ALOXE3: variants seen among roughly 807,000 people sequenced by gnomAD.
ALOXE3 encodes arachidonate epidermal lipoxygenase 3.
In ALOXE3, 78 loss-of-function variants were observed where a neutral mutation model predicts 87.5. The observed-to-expected ratio is 0.89, with a 90% CI of 0.74 to 1.08. ALOXE3 has a LOEUF of 1.08. Ranked by LOEUF, ALOXE3 falls within the 50% of genes least tolerant of loss-of-function variation. ALOXE3 has a pLI of 0.00. For missense variants in ALOXE3, 946 were observed against 912.4 expected (o/e 1.04, Z -0.47); for synonymous variants, 363 against 370.8 (o/e 0.98, Z 0.24).
At chr17:8,116,722 C>T in intron 3 of ALOXE3, 54 bp downstream of exon 3, 1 of 1,590,842 alleles carries the variant, frequency 6.3e-7, no homozygotes. Context: ...GACCCCACTC[C>T]TAATCCCAAA....
rs1354265408 is a variant in ALOXE3 at position 8,116,886 on chromosome 17, G to A, written c.242C>T (p.Ser81Phe). 6.2e-7 allele frequency: 1 copy of A among 1,614,254 alleles called. No homozygotes were observed. The highest frequency in any genetic ancestry group is 1.1e-5 in the South Asian group (1 of 91,084). ...GACACAGATGCGGCTACAGTACCAAGAGTCCTTGCGGAAGAAAGCGTAGCG... is the reference window on the plus strand; with the variant it reads ...GACACAGATGCGGCTACAGTACCAAAAGTCCTTGCGGAAGAAAGCGTAGCG... Reference protein sequence around the residue: ...KERYAFFRKDSWYCSRICVTE... With the variant: ...KERYAFFRKDFWYCSRICVTE... Residue 81 changes from serine (S) to phenylalanine (F), a missense_variant, in exon 3 of 16, where the codon TCT becomes TTT. By Grantham distance (155) the Ser-to-Phe change is radical. Transcript: ENST00000448843.
chr17:8,110,553 G>A (rs755233210), intron 8 of ALOXE3, 25 bp from the exon 9 acceptor site: 3 of 1,613,362 alleles, frequency 1.9e-6, no homozygotes. Flanking sequence ...CAGAGGCTGA[G>A]TGTCCCTCCC....
At chr17:8,114,680 C>T (rs1980427357) in intron 5 of ALOXE3, 71 bp from the exon 6 acceptor site, 1 of 1,602,730 alleles carries the variant, frequency 6.2e-7, no homozygotes, top group Admixed American at 1.7e-5. Flanking sequence ...CAACTCCTTC[C>T]CTCTTTCCTG....
chr17:8,110,454 CT>C lies in ALOXE3; in HGVS notation c.1031del (p.Gln344ArgfsTer104). 1 of 1,613,470 alleles carries C rather than the reference CT, an allele frequency of 6.2e-7. No homozygotes were observed. ...APTHCLNGRQ[Q>X]YVAAPLCLLW... Reference sequence around the variant, plus strand: ...GCAGGCACAGTGGGGCGGCCACGTACTGCTGGCGGCCGTTTAGGCAGTGGGT... The same window carrying C: ...GCAGGCACAGTGGGGCGGCCACGTACGCTGGCGGCCGTTTAGGCAGTGGGT... On this transcript the variant is annotated frameshift_variant, in exon 9 of 16. Coordinates refer to ENST00000448843, the MANE Select transcript of ALOXE3 (RefSeq NM_021628.3). LOFTEE classifies it high-confidence loss of function.
Position 8,115,600 on chromosome 17 carries a change from C to T in ALOXE3, c.434+7G>A, listed in dbSNP as rs778590299. 1.9e-6 allele frequency: 3 copies of T among 1,611,468 alleles called. No individual in the cohort carries two copies. The highest frequency in any genetic ancestry group is 2.5e-6 in the Non-Finnish European group (3 of 1,177,562). On this transcript the variant is annotated splice_region_variant and intron_variant, in intron 4 of 15. Transcript: ENST00000448843. Reference sequence around the variant, plus strand: ...TGGGGAAAGAAGTCAAATTAGGCCACCCTCACCGGTAGCATTCTTGTCGGG... The same window carrying T: ...TGGGGAAAGAAGTCAAATTAGGCCATCCTCACCGGTAGCATTCTTGTCGGG...
rs138223952 is a variant in ALOXE3, at chr17:8,096,420, A to G, written c.*207T>C. The G allele has an allele frequency of 1.1e-3, 648 of 592,754 alleles. 2 individuals are homozygous for G. Among genetic ancestry groups the G allele is most frequent in the African/African-American group, 0.011 (579 of 54,024 alleles). 36.7% of individuals were successfully genotyped at this position (592,754 alleles called of 1,614,324 possible). A position where few individuals can be genotyped will look rare whatever the true frequency, so the allele number is the denominator to read the frequency against. Reference sequence around the variant, plus strand: ...ATTGGACTTTGGTCAGCGGCTTTTAACCTGGACGCTGCTGTGCTGGTCTCT... The same window carrying G: ...ATTGGACTTTGGTCAGCGGCTTTTAGCCTGGACGCTGCTGTGCTGGTCTCT... On this transcript the variant is annotated 3_prime_UTR_variant, in exon 16 of 16. Transcript: ENST00000448843.
In ALOXE3 at chr17:8,111,382, T is replaced by C; in HGVS notation, c.934A>G (p.Thr312Ala). ...DMVAPLLGQD[T>A]CLQTELERGN... ...ACCTCTAGCTCTGTCTGCAGGCATG[T>C]GTCCTGTCCCAGCAAGGGGGCCACC... Residue 312 changes from threonine to alanine, a missense_variant, in exon 8 of 16, where the codon ACA becomes GCA. Coordinates refer to ENST00000448843, the MANE Select transcript of ALOXE3 (RefSeq NM_021628.3). 1.2e-6 allele frequency: 2 copies of C among 1,613,558 alleles called. No homozygotes were observed. The highest frequency in any genetic ancestry group is 1.7e-6 in the Non-Finnish European group (2 of 1,180,030).
rs1440118645 is a variant in ALOXE3, at chr17:8,096,927, C to G, written c.1957-121G>C. On this transcript the variant is annotated intron_variant, in intron 15 of 15. Transcript: ENST00000448843. ...TCTAGTAGCACAACCCAGTTGCAGC[C>G]ATTGTAAACACTTGCCCCAAACTGC... 5 of 1,164,300 alleles carry G rather than the reference C, an allele frequency of 4.3e-6. No individual in the cohort carries two copies. The African/African-American group carries it at 6.1e-5, about 14-fold the overall frequency. 72.1% of individuals were successfully genotyped at this position (1,164,300 alleles called of 1,614,324 possible). A position where few individuals can be genotyped will look rare whatever the true frequency, so the allele number is the denominator to read the frequency against.
At position 8,108,354 on chromosome 17, in the gene ALOXE3, A is replaced by AT. The variant is rs544489468; in HGVS notation, c.1684+113dup. On this transcript the variant is annotated intron_variant, in intron 13 of 15. Coordinates refer to ENST00000448843, the MANE Select transcript of ALOXE3 (RefSeq NM_021628.3). ...CTTTCCATATCTGCTAGTTGGGGAT[A>AT]TTAATAGTATCTACTTCAAAGGCTG... The AT allele has an allele frequency of 2.6e-3, 3,810 of 1,456,074 alleles. 8 individuals are homozygous for AT. The highest frequency in any genetic ancestry group is 3.3e-3 in the Non-Finnish European group (3,535 of 1,080,658). 90.2% of individuals were successfully genotyped at this position (1,456,074 alleles called of 1,614,324 possible). A position where few individuals can be genotyped will look rare whatever the true frequency, so the allele number is the denominator to read the frequency against.
intron 2 of ALOXE3, among the ~76,000 whole-genome samples, chr17:8,117,308 T>C (rs1980687147): frequency 6.6e-6 from 1 of 152,120 alleles, no homozygotes; most frequent in Non-Finnish European, 1.5e-5. Context: ...TAATCCCAGC[T>C]ACTTGGGAGG....
chr17:8,117,687 C>T (rs1032486236), intron 2 of ALOXE3, among the ~76,000 whole-genome samples, 157 bp downstream of exon 2: 25 of 152,172 alleles, frequency 1.6e-4, no homozygotes, highest in African/African-American at 6.0e-4. Context: ...TGGAGTTCAT[C>T]ATCTCCAGGA....
intron 15 of ALOXE3, among the ~76,000 whole-genome samples, chr17:8,099,058 T>C (rs1978757209): frequency 7.1e-6 from 1 of 141,348 alleles, no homozygotes; most frequent in South Asian, 2.3e-4. Context: ...AAGGTCTCAC[T>C]ATATTACTCA....
chr17:8,102,030 T>C (rs1277764214), intron 15 of ALOXE3, among the ~76,000 whole-genome samples: 1 of 152,018 alleles, frequency 6.6e-6, no homozygotes, highest in African/African-American at 2.4e-5. Context: ...GACGGCTGGG[T>C]GGAAACAAAG....
intron 8 of ALOXE3, 135 bp from the exon 9 acceptor site, chr17:8,110,663 T>A: frequency 1.5e-6 from 2 of 1,293,120 alleles, no homozygotes; most frequent in Non-Finnish European, 2.1e-6. Flanking sequence ...GTGCCTGAAT[T>A]AATGGCCAAA....
intron 15 of ALOXE3, 48 bp from the exon 16 acceptor site, chr17:8,096,854 G>C: frequency 1.3e-6 from 2 of 1,596,064 alleles, no homozygotes; most frequent in Admixed American, 3.3e-5. Context: ...AGATGGGATG[G>C]GGAATAACGG....
chr17:8,116,797 C>G lies in ALOXE3; in HGVS notation c.331G>C (p.Val111Leu). ...CYQWIEGYCTVELRPGTARTI... is the reference protein window; with the variant it reads ...CYQWIEGYCTLELRPGTARTI... ...CCACCTGTTCCTGGCCTCAGCTCCA[C>G]GGTGCAGTAGCCTTCAATCCACTGA... The change falls in exon 3 of 16, where the codon GTG becomes CTG. Residue 111 changes from valine to leucine, a missense_variant. Transcript: ENST00000448843. 2.5e-6 allele frequency: 4 copies of G among 1,614,216 alleles called. No homozygotes were observed. The highest frequency in any genetic ancestry group is 3.4e-6 in the Non-Finnish European group (4 of 1,180,032).
Position 8,096,686 on chromosome 17 carries a change from G to C in ALOXE3, c.2077C>G (p.Leu693Val). 6.3e-7 allele frequency: 1 copy of C among 1,586,896 alleles called. No individual in the cohort carries two copies. Among genetic ancestry groups the C allele is most frequent in the Non-Finnish European group, 8.7e-7 (1 of 1,155,268 alleles). The change falls in exon 16 of 16, where the codon CTG becomes GTG. Residue 693 changes from leucine to valine, a missense_variant. Leu to Val is a conservative substitution (Grantham distance 32). Coordinates refer to ENST00000448843, the MANE Select transcript of ALOXE3 (RefSeq NM_021628.3). ...SRDIQERNQG[L>V]ALPYTYLDPP... ...TCCAGGTAGGTGTAGGGCAGTGCCA[G>C]ACCCTGGTTCCGCTCCTGGATGTCC...
rs543523655 is a variant in ALOXE3 at position 8,096,429 on chromosome 17, C to T, written c.*198G>A. The T allele has an allele frequency of 1.6e-6, 1 of 608,834 alleles. No homozygotes were observed. The highest frequency in any genetic ancestry group is 1.9e-5 in the South Asian group (1 of 51,418). The allele number at this position is 608,834 out of a possible 1,614,324, so 37.7% of individuals were successfully genotyped here. A position where few individuals can be genotyped will look rare whatever the true frequency, so the allele number is the denominator to read the frequency against. ...TGGTCAGCGGCTTTTAACCTGGACG[C>T]TGCTGTGCTGGTCTCTCACAGCTCA... is the stretch of plus-strand genomic sequence containing the variant. On this transcript the variant is annotated 3_prime_UTR_variant, in exon 16 of 16. Coordinates refer to ENST00000448843, the MANE Select transcript of ALOXE3 (RefSeq NM_021628.3).
At chr17:8,110,636 G>A in intron 8 of ALOXE3, 108 bp from the exon 9 acceptor site, 1 of 1,495,640 alleles carries the variant, frequency 6.7e-7, no homozygotes, top group South Asian at 1.2e-5. Context: ...CCCCAGCTGA[G>A]GTCTCAGAAA....
Sources: gnomAD v4.1 joint callset for allele counts (sites outside exome capture counted in the v4.1 genomes callset) on GRCh38, gnomAD v4.1.1 for gene constraint, MANE v1.5 for transcripts, NCBI Gene and HGNC (gene_info 2026-07-23, HGNC 2026-07-21) for gene names.